PGR: variants seen among roughly 807,000 people sequenced by gnomAD.
The protein encoded by PGR is nuclear receptor subfamily 3 group C member 3.
In PGR, 25 loss-of-function variants were observed where a neutral mutation model predicts 76.1. The ratio of observed to expected loss-of-function variants is 0.33; its 90% confidence interval spans 0.24 to 0.46. The LOEUF (loss-of-function observed/expected upper bound fraction) is 0.46, where lower values mean the gene tolerates loss of function less well. Among genes scored for constraint, PGR ranks in the 20% least tolerant of loss-of-function variants. The pLI is 1.00. For synonymous variants in PGR, 579 were observed against 535.0 expected, an observed-to-expected ratio of 1.08 and a Z score of -1.14; for missense variants, 1,172 against 1,225.3, an observed-to-expected ratio of 0.96 and a Z score of 0.65.
At chr11:101,045,683 G>A (rs1331136327) in intron 6 of PGR, among the ~76,000 whole-genome samples, 3 of 151,950 alleles carry the variant, frequency 2.0e-5, no homozygotes, top group African/African-American at 4.8e-5. Context: ...GTGTGTGTGT[G>A]TGTGTGTGTG....
At chr11:101,050,219 T>C (rs1274196308) in intron 5 of PGR, among the ~76,000 whole-genome samples, 160 bp from the exon 6 acceptor site, 2 of 152,148 alleles carry the variant, frequency 1.3e-5, no homozygotes, top group Non-Finnish European at 1.5e-5. Context: ...ATTTGGAATT[T>C]TAAACATCTT....
rs757924260 is a variant in PGR, at chr11:101,127,621, C to A, written c.1450G>T (p.Gly484Cys). Residue 484 changes from glycine to cysteine, a missense_variant, in exon 1 of 8, where the codon GGC (glycine) becomes TGC (cysteine). By Grantham distance (159) the Gly-to-Cys change is radical (BLOSUM62 -3). Coordinates refer to ENST00000325455, the MANE Select transcript of PGR (RefSeq NM_000926.4). ...CGCGGGAGCAGGCAGCCGCTCGCGC[C>A]CGGCGCCTTGCAGGGCGGCGGCGCG... Reference protein sequence around the residue: ...PFAPPPCKAPGASGCLLPRDG... With the variant: ...PFAPPPCKAPCASGCLLPRDG... The A allele has an allele frequency of 1.3e-5, 17 of 1,320,630 alleles. No individual in the cohort carries two copies. Among genetic ancestry groups the A allele is most frequent in the East Asian group, 1.2e-4 (4 of 32,222 alleles). The allele number at this position is 1,320,630 out of a possible 1,614,324, so 81.8% of individuals were successfully genotyped here. A position where few individuals can be genotyped will look rare whatever the true frequency, so the allele number is the denominator to read the frequency against.
At chr11:101,094,178 T>C (rs1464987417) in intron 2 of PGR, among the ~76,000 whole-genome samples, 1 of 152,222 alleles carries the variant, frequency 6.6e-6, no homozygotes, top group Non-Finnish European at 1.5e-5. Flanking sequence ...TCTCCCTGAA[T>C]ACATTCCCCT....
rs896889322 is a variant in PGR, at chr11:101,040,755, G to A, written c.2646+1190C>T. ...TTCAATTGTGCAGTGCCTCTACACCGGACCCTTTTTGTTAGAAAACTTGTA... is the reference window on the plus strand; with the variant it reads ...TTCAATTGTGCAGTGCCTCTACACCAGACCCTTTTTGTTAGAAAACTTGTA... On this transcript the variant is annotated intron_variant, in intron 7 of 7. Transcript: ENST00000325455. Among the ~76,000 whole-genome samples the A allele has an allele frequency of 4.6e-5, 7 of 151,866 alleles. No homozygotes were observed. The East Asian group carries it at 1.2e-3, about 25-fold the overall frequency.
intron 2 of PGR, among the ~76,000 whole-genome samples, chr11:101,123,821 G>T (rs1162198435): frequency 6.6e-6 from 1 of 152,132 alleles, no homozygotes; most frequent in African/African-American, 2.4e-5. Flanking sequence ...CATTTACTGA[G>T]AATCTTTATT....
intron 2 of PGR, among the ~76,000 whole-genome samples, chr11:101,117,455 A>AT (rs1429046557): frequency 6.6e-6 from 1 of 151,912 alleles, no homozygotes; most frequent in African/African-American, 2.4e-5. Flanking sequence ...GACTTTATGA[A>AT]TTTTTTGCCT....
rs1230029811 is a variant in PGR at position 101,035,855 on chromosome 11, C to T, written c.*3261G>A. On this transcript the variant is annotated 3_prime_UTR_variant, in exon 8 of 8. Coordinates refer to ENST00000325455, the MANE Select transcript of PGR (RefSeq NM_000926.4). The stretch of plus-strand genomic sequence containing the variant: ...TAAAACAGTGAGACTTTCTAGAATC[C>T]TGCTTTCACTGTAGAATATAGCTGG... 4.3e-6 allele frequency: 1 copy of T among 230,866 alleles called. No homozygotes were observed. Among genetic ancestry groups the T allele is most frequent in the Non-Finnish European group, 8.6e-6 (1 of 116,698 alleles). 14.3% of individuals were successfully genotyped at this position (230,866 alleles called of 1,614,324 possible).
rs372137763 is a variant in PGR, at chr11:101,092,965, T to C, written c.1790-1089A>G. ...AGTTGGTAGTAAAGGAACTCAGAGG[T>C]ACCTAAAACATGTACTTAATCAAGC... On this transcript the variant is annotated intron_variant, in intron 2 of 7. Transcript: ENST00000325455. Among the ~76,000 whole-genome samples, 16 of 152,174 alleles carry C rather than the reference T, an allele frequency of 1.1e-4. No individual in the cohort carries two copies. In the East Asian group the frequency reaches 3.1e-3, roughly 29 times the overall value.
intron 2 of PGR, among the ~76,000 whole-genome samples, chr11:101,110,510 A>T (rs992348896): frequency 6.6e-6 from 1 of 152,206 alleles, no homozygotes; most frequent in African/African-American, 2.4e-5. Context: ...AATTGCTAAA[A>T]TCTCATAAAA....
chr11:101,110,128 T>C (rs977007342), intron 2 of PGR, among the ~76,000 whole-genome samples: 2 of 152,182 alleles, frequency 1.3e-5, no homozygotes, highest in African/African-American at 4.8e-5. Flanking sequence ...GGTTAATGTA[T>C]TCATGCCTGC....
At chr11:101,048,349 T>A (rs1859963088) in intron 6 of PGR, among the ~76,000 whole-genome samples, 1 of 152,162 alleles carries the variant, frequency 6.6e-6, no homozygotes, top group African/African-American at 2.4e-5. Context: ...CAATATTAAT[T>A]GCAGTCGTGT....
At chr11:101,050,265 G>A (rs1282297248) in intron 5 of PGR, among the ~76,000 whole-genome samples, 14 of 152,076 alleles carry the variant, frequency 9.2e-5, no homozygotes, top group Admixed American at 9.2e-4. Flanking sequence ...TTGAGGTTAA[G>A]AAATCTTAAA....
At chr11:101,089,669 T>C (rs1048341724) in intron 3 of PGR, among the ~76,000 whole-genome samples, 1 of 131,650 alleles carries the variant, frequency 7.6e-6, no homozygotes, top group Admixed American at 8.6e-5. Context: ...GGGTGCAAAT[T>C]AGAAAGCGAT....
rs140411562 is a variant in PGR, at chr11:101,076,949, A to G, written c.1907-14197T>C. Among the ~76,000 whole-genome samples the G allele has an allele frequency of 4.9e-3, 313 of 63,852 alleles. 10 individuals are homozygous for G. In the East Asian group the frequency reaches 0.071, roughly 15 times the overall value. 41.9% of individuals were successfully genotyped at this position (63,852 alleles called of 152,430 possible). A position where few individuals can be genotyped will look rare whatever the true frequency, so the allele number is the denominator to read the frequency against. On this transcript the variant is annotated intron_variant, in intron 3 of 7. Transcript: ENST00000325455. ...TTTTTTTTTTTTTTTTTTTTTTGCGACAGAGTTTGTTTTATACTGCCTCAT... is the reference window on the plus strand; with the variant it reads ...TTTTTTTTTTTTTTTTTTTTTTGCGGCAGAGTTTGTTTTATACTGCCTCAT...
At chr11:101,117,489 T>C (rs1434581109) in intron 2 of PGR, among the ~76,000 whole-genome samples, 1 of 152,144 alleles carries the variant, frequency 6.6e-6, no homozygotes. Context: ...TGAGATTACA[T>C]AGCAAATGGA....
At chr11:101,059,893 C>A (rs1239805890) in intron 4 of PGR, among the ~76,000 whole-genome samples, 1 of 147,414 alleles carries the variant, frequency 6.8e-6, no homozygotes, top group Non-Finnish European at 1.5e-5. Context: ...AAGGATATAT[C>A]TGAAATATTT....
intron 3 of PGR, among the ~76,000 whole-genome samples, chr11:101,077,260 T>A (rs1456023767): frequency 6.6e-6 from 1 of 152,102 alleles, no homozygotes; most frequent in Admixed American, 6.6e-5. Flanking sequence ...AAAATGATAA[T>A]GACCACTGCG....
At chr11:101,095,008 C>G (rs1476245335) in intron 2 of PGR, among the ~76,000 whole-genome samples, 1 of 152,146 alleles carries the variant, frequency 6.6e-6, no homozygotes. Context: ...TCTGTGCCAC[C>G]TTGATCTTGG....
chr11:101,067,113 C>T (rs1209822171), intron 3 of PGR, among the ~76,000 whole-genome samples: 1 of 152,112 alleles, frequency 6.6e-6, no homozygotes, highest in East Asian at 1.9e-4. Flanking sequence ...TATTGATGCC[C>T]ATCTTGCCCT....
Sources: gnomAD v4.1 joint callset for allele counts (sites outside exome capture counted in the v4.1 genomes callset) on GRCh38, gnomAD v4.1.1 for gene constraint, MANE v1.5 for transcripts, NCBI Gene and HGNC (gene_info 2026-07-23, HGNC 2026-07-21) for gene names.